ZZEF1: variants seen among roughly 807,000 people sequenced by gnomAD.
ZZEF1 encodes the protein zinc finger ZZ-type and EF-hand domain-containing protein 1.
A neutral mutation model predicts 342.8 loss-of-function variants in ZZEF1; 157 were observed. That is an observed-to-expected ratio of 0.46 (90% confidence interval 0.40 to 0.52). The LOEUF (loss-of-function observed/expected upper bound fraction) is 0.52, where lower values mean the gene tolerates loss of function less well. ZZEF1 is among the 20% of genes least tolerant of loss of function. The pLI, the probability that ZZEF1 is intolerant of heterozygous loss-of-function variation, is 0.00. For synonymous variants in ZZEF1, 1,505 were observed against 1,429.1 expected (o/e 1.05, Z -1.20); for missense variants, 3,480 against 3,725.6 (o/e 0.93, Z 1.72).
chr17:4,050,663 T>C, intron 36 of ZZEF1, 118 bp downstream of exon 36: 1 of 1,465,146 alleles, frequency 6.8e-7, no homozygotes, highest in Admixed American at 2.0e-5. Context: ...GGTAAGCCCC[T>C]TTTGTGGAAA....
intron 12 of ZZEF1, among the ~76,000 whole-genome samples, chr17:4,090,222 C>G (rs568559294): frequency 8.4e-6 from 1 of 119,756 alleles, no homozygotes; most frequent in Admixed American, 8.4e-5. Context: ...CTCCTCCACA[C>G]ACTGCAGCCT....
chr17:4,020,722 T>C (rs187203765), intron 45 of ZZEF1, among the ~76,000 whole-genome samples: 3 of 152,246 alleles, frequency 2.0e-5, no homozygotes, highest in African/African-American at 4.8e-5. Context: ...CCTCATCCTT[T>C]TCATATTGTT....
At chr17:4,100,671 T>C (rs781549594) in intron 9 of ZZEF1, among the ~76,000 whole-genome samples, 2 of 151,946 alleles carry the variant, frequency 1.3e-5, no homozygotes, top group Non-Finnish European at 2.9e-5. Context: ...CCGTCTCTAC[T>C]AAAAATACAA....
chr17:4,085,031 G>A (rs1374442535), intron 16 of ZZEF1, among the ~76,000 whole-genome samples: 1 of 152,200 alleles, frequency 6.6e-6, no homozygotes, highest in Non-Finnish European at 1.5e-5. Context: ...AGGATTGCTT[G>A]AGCCTGGGAG....
chr17:4,043,016 T>A (rs1359597637), intron 38 of ZZEF1, among the ~76,000 whole-genome samples: 1 of 152,178 alleles, frequency 6.6e-6, no homozygotes, highest in Non-Finnish European at 1.5e-5. Context: ...TGGCTGGGCA[T>A]GTCTGCGCTC....
In ZZEF1 at chr17:4,096,589, G is replaced by C; in HGVS notation, c.1764+20C>G. On this transcript the variant is annotated intron_variant, in intron 10 of 54. Coordinates refer to ENST00000381638, the MANE Select transcript of ZZEF1 (RefSeq NM_015113.4). ...AACAAAAGTAGTAACATTGCTTAAA[G>C]AAGGTAGCACGAAAATTACCATAAT... The C allele has an allele frequency of 6.2e-7, 1 of 1,607,234 alleles. No individual in the cohort carries two copies. Among genetic ancestry groups the C allele is most frequent in the Non-Finnish European group, 8.5e-7 (1 of 1,174,516 alleles).
At chr17:4,037,950 G>T (rs2727065) in intron 39 of ZZEF1, among the ~76,000 whole-genome samples, 1 of 151,990 alleles carries the variant, frequency 6.6e-6, no homozygotes, top group African/African-American at 2.4e-5. Context: ...CTTGAGTAGG[G>T]AGTAAGCATT....
chr17:4,124,944 A>C (rs2058550250), intron 1 of ZZEF1, among the ~76,000 whole-genome samples: 1 of 152,130 alleles, frequency 6.6e-6, no homozygotes. Context: ...GACCTTACCT[A>C]AGTTTCTTTA....
At chr17:4,108,526 G>A (rs2058247676) in intron 6 of ZZEF1, among the ~76,000 whole-genome samples, 1 of 152,190 alleles carries the variant, frequency 6.6e-6, no homozygotes, top group Non-Finnish European at 1.5e-5. Context: ...GCTGTAAGGG[G>A]CGTGACTGGG....
intron 16 of ZZEF1, among the ~76,000 whole-genome samples, chr17:4,084,188 C>G (rs893892135): frequency 6.6e-6 from 1 of 152,156 alleles, no homozygotes; most frequent in Non-Finnish European, 1.5e-5. Context: ...TACATGCCCT[C>G]TACCAGATTG....
intron 1 of ZZEF1, among the ~76,000 whole-genome samples, chr17:4,135,138 C>T (rs938084069): frequency 3.3e-5 from 5 of 152,200 alleles, no homozygotes; most frequent in African/African-American, 1.2e-4. Flanking sequence ...CACCCCAGAT[C>T]TGCATAAGCT....
At chr17:4,137,166 T>C (rs1458350304) in intron 1 of ZZEF1, among the ~76,000 whole-genome samples, 1 of 152,130 alleles carries the variant, frequency 6.6e-6, no homozygotes, top group African/African-American at 2.4e-5. Context: ...AGCAAGGCAG[T>C]ACCATGGTGA....
At position 4,024,961 on chromosome 17, in the gene ZZEF1, C is replaced by A. The variant is rs753195765; in HGVS notation, c.7050G>T (p.Trp2350Cys). ...ATCCTTTCAGGGCCAGGGACAGGAC[C>A]CAAGTTGCTTCTACTGCCTCGGGAC... is the stretch of plus-strand genomic sequence containing the variant. Reference protein sequence around the residue: ...SHCPEAVEATWVLSLALKGLY... With the variant: ...SHCPEAVEATCVLSLALKGLY... The change falls in exon 43 of 55, where the codon TGG becomes TGT. Residue 2350 changes from tryptophan (W) to cysteine (C), a missense_variant. Trp to Cys is a radical substitution (Grantham distance 215). This residue lies in a region of ZZEF1 where 1,269 missense variants were observed against 1,342.4 expected (regional missense o/e 0.95). Coordinates refer to ENST00000381638, the MANE Select transcript of ZZEF1 (RefSeq NM_015113.4). 3.7e-6 allele frequency: 6 copies of A among 1,614,042 alleles called. No homozygotes were observed. The African/African-American group carries it at 8.0e-5, about 22-fold the overall frequency.
At chr17:4,067,494 G>A (rs2057423423) in intron 26 of ZZEF1, among the ~76,000 whole-genome samples, 1 of 152,042 alleles carries the variant, frequency 6.6e-6, no homozygotes, top group African/African-American at 2.4e-5. Flanking sequence ...TTTTAAAAGT[G>A]TGTAAAATAT....
chr17:4,110,511 A>G (rs983009813), intron 5 of ZZEF1, among the ~76,000 whole-genome samples: 2 of 152,186 alleles, frequency 1.3e-5, no homozygotes, highest in African/African-American at 4.8e-5. Context: ...AGCAAAGAAC[A>G]CTTCTTTTGG....
chr17:4,024,196 T>G lies in ZZEF1; in HGVS notation c.7092+723A>C, dbSNP rs9675003. ...CCAAATATTGCCCAGGTTTTTTTTT[T>G]TTTTTTTTTTTTTTTTTTACAGAGG... On this transcript the variant is annotated intron_variant, in intron 43 of 54. Transcript: ENST00000381638. Among the ~76,000 whole-genome samples the G allele has an allele frequency of 2.0e-3, 249 of 123,810 alleles. 3 individuals are homozygous for G. The highest frequency in any genetic ancestry group is 0.011 in the African/African-American group (237 of 21,252). 81.2% of individuals were successfully genotyped at this position (123,810 alleles called of 152,430 possible). A position where few individuals can be genotyped will look rare whatever the true frequency, so the allele number is the denominator to read the frequency against.
chr17:4,124,600 G>A (rs1011713623), intron 1 of ZZEF1, among the ~76,000 whole-genome samples: 2 of 140,242 alleles, frequency 1.4e-5, no homozygotes, highest in African/African-American at 5.2e-5. Context: ...CTGCCACAAC[G>A]CCAAGCTGAT....
chr17:4,129,894 T>A (rs2058636745), intron 1 of ZZEF1, among the ~76,000 whole-genome samples: 1 of 152,212 alleles, frequency 6.6e-6, no homozygotes. Context: ...CCACTATCCT[T>A]AGCAAACTAA....
intron 16 of ZZEF1, 63 bp downstream of exon 16, chr17:4,085,607 A>T: frequency 6.2e-7 from 1 of 1,601,188 alleles, no homozygotes. Flanking sequence ...GAGGTAACAA[A>T]GCCTAGCAAA....
Sources: gnomAD v4.1 joint callset for allele counts (sites outside exome capture counted in the v4.1 genomes callset) on GRCh38, gnomAD v4.1.1 for gene constraint, gnomAD v4.1.1 regional missense constraint, MANE v1.5 for transcripts, NCBI Gene and HGNC (gene_info 2026-07-23, HGNC 2026-07-21) for gene names.